MED13L: variants seen among roughly 807,000 people sequenced by gnomAD.
MED13L encodes the protein mediator of RNA polymerase II transcription subunit 13-like.
In MED13L, 7 loss-of-function variants were observed where a neutral mutation model predicts 220.9. That is an observed-to-expected ratio of 0.03 (90% CI 0.02 to 0.06). The LOEUF is 0.06. MED13L is among the 10% of genes least tolerant of loss of function. The pLI, the probability that MED13L is intolerant of heterozygous loss-of-function variation, is 1.00. For synonymous variants in MED13L, 1,011 were observed against 1,015.2 expected (o/e 1.00, Z 0.08); for missense variants, 1,965 against 2,760.5 (o/e 0.71, Z 6.46).
rs200498590 is a variant in MED13L at position 115,997,420 on chromosome 12, C to CTTGTT, written c.2570-195_2570-191dup. Among the ~76,000 whole-genome samples, 45 of 152,120 alleles carry CTTGTT rather than the reference C, an allele frequency of 3.0e-4. No homozygotes were observed. The East Asian group carries it at 8.3e-3, about 28-fold the overall frequency. On this transcript the variant is annotated intron_variant, in intron 14 of 30. Coordinates refer to ENST00000281928, the MANE Select transcript of MED13L (RefSeq NM_015335.5). The stretch of plus-strand genomic sequence containing the variant: ...AGCAGAGAATTATCTTTTTCTGGGT[C>CTTGTT]TTGTTTTGTTTTGTTTCGTGAGACA...
chr12:116,074,002 CA>C (rs1031412258), intron 4 of MED13L, among the ~76,000 whole-genome samples: 1 of 152,230 alleles, frequency 6.6e-6, no homozygotes, highest in African/African-American at 2.4e-5. Flanking sequence ...ATGTGGTTAT[CA>C]AAGCCGTTTT....
At chr12:115,967,313 G>A (rs1414697052) in intron 28 of MED13L, among the ~76,000 whole-genome samples, 3 of 151,662 alleles carry the variant, frequency 2.0e-5, no homozygotes, top group Non-Finnish European at 2.9e-5. Flanking sequence ...CTTCCCTGCT[G>A]TAATGTCTTA....
intron 4 of MED13L, among the ~76,000 whole-genome samples, chr12:116,025,406 T>C (rs531911353): frequency 1.3e-5 from 2 of 152,310 alleles, no homozygotes; most frequent in South Asian, 4.1e-4. Flanking sequence ...ATGAACTCAG[T>C]ATGTCGAAGA....
At chr12:116,187,748 A>G (rs1308684183) in intron 2 of MED13L, among the ~76,000 whole-genome samples, 1 of 152,140 alleles carries the variant, frequency 6.6e-6, no homozygotes, top group African/African-American at 2.4e-5. Context: ...TTAATCAAAT[A>G]CCATGCAAAC....
chr12:116,118,088 T>C (rs569701961), intron 2 of MED13L, among the ~76,000 whole-genome samples: 1 of 152,262 alleles, frequency 6.6e-6, no homozygotes, highest in East Asian at 1.9e-4. Context: ...GGATTACAGG[T>C]GTCAGCCACT....
At chr12:116,219,722 T>C (rs1883198814) in intron 2 of MED13L, among the ~76,000 whole-genome samples, 1 of 152,344 alleles carries the variant, frequency 6.6e-6, no homozygotes, top group South Asian at 2.1e-4. Context: ...TTAGAAAGTA[T>C]TCAAGCTTTT....
chr12:115,997,944 T>C (rs910481360), intron 14 of MED13L, among the ~76,000 whole-genome samples: 4 of 152,194 alleles, frequency 2.6e-5, no homozygotes, highest in Non-Finnish European at 5.9e-5. Context: ...AAAATAAAAA[T>C]TGTTTGGAGC....
chr12:115,995,324 C>G (rs1878330594), intron 16 of MED13L, among the ~76,000 whole-genome samples: 2 of 152,176 alleles, frequency 1.3e-5, no homozygotes, highest in African/African-American at 4.8e-5. Flanking sequence ...CTTACCTGAC[C>G]ACAGCAGAAA....
chr12:116,211,447 A>C (rs1237481747), intron 2 of MED13L, among the ~76,000 whole-genome samples: 1 of 152,202 alleles, frequency 6.6e-6, no homozygotes, highest in Non-Finnish European at 1.5e-5. Flanking sequence ...CCTTTAAGAC[A>C]AAAAGGTGGC....
At chr12:115,968,916 C>A (rs1227203450) in intron 28 of MED13L, 24 bp downstream of exon 28, 14 of 1,613,434 alleles carry the variant, frequency 8.7e-6, no homozygotes, top group Non-Finnish European at 1.2e-5. Flanking sequence ...TTGTCTTAAA[C>A]AACGTACTCC....
intron 3 of MED13L, among the ~76,000 whole-genome samples, chr12:116,100,888 T>A (rs1873014683): frequency 6.6e-6 from 1 of 152,130 alleles, no homozygotes; most frequent in Non-Finnish European, 1.5e-5. Flanking sequence ...CACCCCAGCC[T>A]GGATGACAGA....
At chr12:115,988,034 A>C (rs1457680442) in intron 17 of MED13L, among the ~76,000 whole-genome samples, 1 of 152,140 alleles carries the variant, frequency 6.6e-6, no homozygotes, top group African/African-American at 2.4e-5. Context: ...CAGATTCTTA[A>C]AAAGGTCTGC....
chr12:116,144,137 C>G (rs1877295407), intron 2 of MED13L, among the ~76,000 whole-genome samples: 1 of 152,168 alleles, frequency 6.6e-6, no homozygotes, highest in African/African-American at 2.4e-5. Context: ...TTCACTGCCC[C>G]AACAGCTTAA....
At chr12:116,217,974 A>G (rs766046456) in intron 2 of MED13L, among the ~76,000 whole-genome samples, 10 of 152,190 alleles carry the variant, frequency 6.6e-5, no homozygotes, top group African/African-American at 2.2e-4. Context: ...GTAACTAACC[A>G]TGTCTTTCCC....
intron 4 of MED13L, among the ~76,000 whole-genome samples, chr12:116,056,983 T>C (rs1015346175): frequency 6.6e-6 from 1 of 152,230 alleles, no homozygotes; most frequent in Non-Finnish European, 1.5e-5. Flanking sequence ...TACTTGGTTA[T>C]TGTATTTTCT....
chr12:116,072,250 A>G (rs934459858), intron 4 of MED13L, among the ~76,000 whole-genome samples: 1 of 152,232 alleles, frequency 6.6e-6, no homozygotes, highest in South Asian at 2.1e-4. Flanking sequence ...TCAGATTGTC[A>G]TAAGCATTTA....
rs1451766646 is a variant in MED13L, at chr12:116,026,044, T to TA, written c.480-3444dup. Among the ~76,000 whole-genome samples, 31 of 151,440 alleles carry TA rather than the reference T, an allele frequency of 2.0e-4. No homozygotes were observed. The South Asian group carries it at 2.9e-3, about 14-fold the overall frequency. On this transcript the variant is annotated intron_variant, in intron 4 of 30. Coordinates refer to ENST00000281928, the MANE Select transcript of MED13L (RefSeq NM_015335.5). ...AAAGAAAGAAAATAGGGTTTAATAG[T>TA]AAAAAGAAAAAGTAAGAGAAAACAT...
At chr12:116,201,188 T>C (rs560943969) in intron 2 of MED13L, among the ~76,000 whole-genome samples, 142 of 152,326 alleles carry the variant, frequency 9.3e-4, no homozygotes, top group Admixed American at 2.3e-3. Context: ...GTCTTAACTT[T>C]CTTTAAAGTC....
At chr12:116,064,197 T>G (rs1869735694) in intron 4 of MED13L, among the ~76,000 whole-genome samples, 1 of 149,508 alleles carries the variant, frequency 6.7e-6, no homozygotes, top group Non-Finnish European at 1.5e-5. Context: ...AAAAAAAAAG[T>G]CTAGTATTTG....
Sources: allele counts gnomAD v4.1 joint callset (sites outside exome capture counted in the v4.1 genomes callset), GRCh38; gene constraint gnomAD v4.1.1; transcripts MANE v1.5; gene names NCBI Gene and HGNC (gene_info 2026-07-23, HGNC 2026-07-21).